The following IGSF11 variants were observed in gnomAD, a reference collection of about 807,000 sequenced individuals.
IGSF11 encodes CXADR like 1.
In IGSF11, 22 loss-of-function variants were observed where a neutral mutation model predicts 41.0. That is an observed-to-expected ratio of 0.54 (90% confidence interval 0.38 to 0.77). IGSF11 has a LOEUF of 0.77. IGSF11 is among the 30% of genes least tolerant of loss of function. IGSF11 has a pLI of 0.00. For synonymous variants in IGSF11, 219 were observed against 201.3 expected (o/e 1.09, Z -0.74); for missense variants, 444 against 530.8 (o/e 0.84, Z 1.61).
At chr3:119,109,973 G>A (rs1427643514), upstream of IGSF11, among the ~76,000 whole-genome samples, 1 of 152,158 alleles carries the variant, frequency 6.6e-6, no homozygotes, top group Non-Finnish European at 1.5e-5. Flanking sequence ...TATAATTTCT[G>A]TTCTGTCACA....
intron 1 of IGSF11, among the ~76,000 whole-genome samples, chr3:119,128,737 A>G (rs547434742): frequency 1.3e-5 from 2 of 152,354 alleles, no homozygotes; most frequent in South Asian, 4.1e-4. Flanking sequence ...TAGTTCAACC[A>G]TTGTGGAAGA....
intron 4 of IGSF11, among the ~76,000 whole-genome samples, chr3:118,915,295 A>G (rs1256839018): frequency 7.5e-6 from 1 of 133,530 alleles, no homozygotes. Context: ...GCTTCAGACG[A>G]TCAAATTACT....
chr3:119,056,337 T>C (rs144700544), intron 1 of IGSF11, among the ~76,000 whole-genome samples: 1,619 of 152,250 alleles, frequency 0.011, 19 homozygotes, highest in Middle Eastern at 0.02. Flanking sequence ...GAGAATACTA[T>C]AAACACCTCT....
At chr3:119,030,562 T>A (rs1193859822) in intron 1 of IGSF11, among the ~76,000 whole-genome samples, 1 of 152,000 alleles carries the variant, frequency 6.6e-6, no homozygotes, top group Non-Finnish European at 1.5e-5. Flanking sequence ...AGAAAAAAAA[T>A]CCTTCCATGG....
chr3:119,029,114 C>T (rs766354671), intron 1 of IGSF11, among the ~76,000 whole-genome samples: 6 of 150,988 alleles, frequency 4.0e-5, no homozygotes, highest in Non-Finnish European at 8.8e-5. Flanking sequence ...TCACAAGTAT[C>T]TACTGAGCAT....
chr3:118,934,139 A>C (rs1263725029), intron 1 of IGSF11, among the ~76,000 whole-genome samples: 1 of 152,056 alleles, frequency 6.6e-6, no homozygotes, highest in Non-Finnish European at 1.5e-5. Context: ...TTTTGAAAGC[A>C]CTCTCTATAG....
At chr3:118,914,419 C>G (rs994795317) in intron 4 of IGSF11, among the ~76,000 whole-genome samples, 14 of 151,606 alleles carry the variant, frequency 9.2e-5, no homozygotes, top group Middle Eastern at 3.4e-3. Context: ...CGAGCCGAAG[C>G]AGGGCGAGGC....
chr3:118,905,578 G>A lies in IGSF11; in HGVS notation c.703+18C>T. On this transcript the variant is annotated intron_variant, in intron 5 of 6. Transcript: ENST00000393775. Reference sequence around the variant, plus strand: ...AGTTTCAGACCCATGGTTGACATCAGAATTTCCATATGCTTACGTGAAATA... The same window carrying A: ...AGTTTCAGACCCATGGTTGACATCAAAATTTCCATATGCTTACGTGAAATA... 1 of 1,613,474 alleles carries A rather than the reference G, an allele frequency of 6.2e-7. No homozygotes were observed. The highest frequency in any genetic ancestry group is 1.1e-5 in the South Asian group (1 of 91,042).
At chr3:119,033,629 G>C (rs138462415) in intron 1 of IGSF11, among the ~76,000 whole-genome samples, 1 of 151,538 alleles carries the variant, frequency 6.6e-6, no homozygotes, top group African/African-American at 2.4e-5. Flanking sequence ...GGTGTCTCCA[G>C]AAAAAAAACA....
intron 1 of IGSF11, among the ~76,000 whole-genome samples, chr3:119,058,927 G>T (rs1941955545): frequency 6.6e-6 from 1 of 150,846 alleles, no homozygotes; most frequent in African/African-American, 2.4e-5. Flanking sequence ...TGAACAATGA[G>T]AACACATGGA....
At chr3:119,111,815 G>A (rs1252734835) in intron 1 of IGSF11, among the ~76,000 whole-genome samples, 1 of 152,202 alleles carries the variant, frequency 6.6e-6, no homozygotes, top group African/African-American at 2.4e-5. Flanking sequence ...TAACAGACAG[G>A]ACCCTCAACT....
At chr3:118,921,042 T>C (rs1183763899) in intron 4 of IGSF11, among the ~76,000 whole-genome samples, 1 of 152,144 alleles carries the variant, frequency 6.6e-6, no homozygotes, top group Non-Finnish European at 1.5e-5. Context: ...GCTCATTCCT[T>C]CATTATCTTT....
intron 1 of IGSF11, among the ~76,000 whole-genome samples, chr3:118,951,190 T>C (rs1944546821): frequency 6.6e-6 from 1 of 152,210 alleles, no homozygotes; most frequent in South Asian, 2.1e-4. Flanking sequence ...GGCTAATGGC[T>C]AGCATGACAG....
chr3:119,105,076 C>G, intron 1 of IGSF11: 6 of 1,009,820 alleles, frequency 5.9e-6, no homozygotes, highest in Non-Finnish European at 7.7e-6. Flanking sequence ...AAGCCTTTCA[C>G]TCAGCCAGGC....
chr3:118,978,439 C>T (rs1309634271), intron 1 of IGSF11, among the ~76,000 whole-genome samples: 8 of 152,310 alleles, frequency 5.3e-5, no homozygotes, highest in African/African-American at 7.2e-5. Flanking sequence ...AGCCCACCAC[C>T]GCCATCCATG....
chr3:118,974,118 TA>T (rs564120179), intron 1 of IGSF11, among the ~76,000 whole-genome samples: 93 of 144,434 alleles, frequency 6.4e-4, no homozygotes, highest in South Asian at 1.5e-3. Context: ...TAAATTTAAT[TA>T]AAAAAAAAAA....
At chr3:119,084,526 T>C (rs1030529559) in intron 1 of IGSF11, among the ~76,000 whole-genome samples, 3 of 152,112 alleles carry the variant, frequency 2.0e-5, no homozygotes, top group South Asian at 2.1e-4. Flanking sequence ...AGCCCAGCCA[T>C]AAGCACCCAC....
intron 1 of IGSF11, among the ~76,000 whole-genome samples, chr3:119,003,331 G>T (rs1207801944): frequency 6.8e-6 from 1 of 147,258 alleles, no homozygotes; most frequent in Non-Finnish European, 1.5e-5. Context: ...TTTGTATCCT[G>T]AGACTTTGCT....
intron 1 of IGSF11, among the ~76,000 whole-genome samples, chr3:118,940,869 T>C (rs1943631800): frequency 6.8e-6 from 1 of 147,002 alleles, no homozygotes; most frequent in Admixed American, 6.8e-5. Context: ...TTACTCTTTT[T>C]GAAAAACTGC....
Sources: allele counts gnomAD v4.1 joint callset (sites outside exome capture counted in the v4.1 genomes callset), GRCh38; gene constraint gnomAD v4.1.1; transcripts MANE v1.5; gene names NCBI Gene and HGNC (gene_info 2026-07-23, HGNC 2026-07-21).